Variants in MPRIP observed in about 807,000 individuals in gnomAD.
MPRIP encodes myosin phosphatase Rho interacting protein.
MPRIP carries 59 observed loss-of-function variants against 234.9 expected under a neutral mutation model. The ratio of observed to expected loss-of-function variants is 0.25; its 90% CI spans 0.20 to 0.31. The LOEUF (loss-of-function observed/expected upper bound fraction) is 0.31. Among genes scored for constraint, MPRIP ranks in the 10% least tolerant of loss-of-function variants. The pLI is 1.00. For synonymous variants in MPRIP, 1,144 were observed against 1,263.9 expected (o/e 0.91, Z 2.01); for missense variants, 2,436 against 3,071.0 (o/e 0.79, Z 4.89).
rs777332304 is a variant in MPRIP at position 17,075,728 on chromosome 17, G to A, written c.142G>A (p.Gly48Ser). Residue 48 changes from glycine (G) to serine (S), a missense_variant, in exon 2 of 24, where the codon GGT (glycine) becomes AGT (serine). By Grantham distance (56) the Gly-to-Ser change is moderately conservative. Coordinates refer to ENST00000651222, the MANE Select transcript of MPRIP (RefSeq NM_001364716.4). ...CCTCTAGGCAAAACCCATTTATGGCGGTTGGCTGCTCCTGGCTCCAGATGG... is the reference window on the plus strand; with the variant it reads ...CCTCTAGGCAAAACCCATTTATGGCAGTTGGCTGCTCCTGGCTCCAGATGG... ...DLTQAKPIYG[G>S]WLLLAPDGTD... 1.1e-5 allele frequency: 18 copies of A among 1,614,142 alleles called. No homozygotes were observed. The highest frequency in any genetic ancestry group is 1.1e-4 in the South Asian group (10 of 91,078).
chr17:17,108,156 C>T (rs1334407858), intron 3 of MPRIP, among the ~76,000 whole-genome samples: 1 of 152,224 alleles, frequency 6.6e-6, no homozygotes, highest in Non-Finnish European at 1.5e-5. Context: ...CATGGCCTTT[C>T]AGGGTACTGT....
At chr17:17,092,066 C>T (rs1417129418) in intron 3 of MPRIP, among the ~76,000 whole-genome samples, 2 of 152,236 alleles carry the variant, frequency 1.3e-5, no homozygotes, top group African/African-American at 4.8e-5. Context: ...GGAACAACCC[C>T]TTAACTCCCT....
At chr17:17,088,627 A>G (rs2089645619) in intron 3 of MPRIP, among the ~76,000 whole-genome samples, 1 of 152,176 alleles carries the variant, frequency 6.6e-6, no homozygotes, top group South Asian at 2.1e-4. Context: ...CCCCAGGGGC[A>G]CATCCCTTCC....
chr17:17,169,775 G>A (rs1171297572), intron 16 of MPRIP, among the ~76,000 whole-genome samples: 1 of 152,222 alleles, frequency 6.6e-6, no homozygotes, highest in Non-Finnish European at 1.5e-5. Flanking sequence ...ACAGGGTCTT[G>A]GCCTAACAGC....
intron 1 of MPRIP, chr17:17,057,712 G>C (rs370844917): frequency 1.5e-5 from 11 of 717,978 alleles, no homozygotes; most frequent in African/African-American, 5.2e-5. Flanking sequence ...TGAAGGACAG[G>C]AAGAGGAATG....
intron 3 of MPRIP, among the ~76,000 whole-genome samples, chr17:17,099,224 G>A (rs1444332105): frequency 1.3e-5 from 2 of 152,126 alleles, no homozygotes; most frequent in African/African-American, 2.4e-5. Context: ...CCCGTCCTCT[G>A]CAGTCCCCTT....
chr17:17,085,479 G>C (rs1035325253), intron 3 of MPRIP, among the ~76,000 whole-genome samples: 2 of 152,188 alleles, frequency 1.3e-5, no homozygotes, highest in Non-Finnish European at 1.5e-5. Flanking sequence ...GAGAGACTTC[G>C]GTCTTTAAGT....
At chr17:17,096,798 G>A (rs1332848058) in intron 3 of MPRIP, 1 of 471,100 alleles carries the variant, frequency 2.1e-6, no homozygotes, top group South Asian at 1.5e-5. Context: ...CTTGGGGCCT[G>A]GGGAAACCAC....
intron 1 of MPRIP, among the ~76,000 whole-genome samples, chr17:17,050,674 T>C (rs1055346176): frequency 1.3e-5 from 2 of 152,208 alleles, no homozygotes; most frequent in Non-Finnish European, 2.9e-5. Context: ...CTTTTGAAGT[T>C]TCTTTCTTTG....
At chr17:17,179,557 G>A (rs2046329635) in intron 22 of MPRIP, 1 of 155,014 alleles carries the variant, frequency 6.5e-6, no homozygotes, top group African/African-American at 2.4e-5. Context: ...TTTCTAAGAA[G>A]CCTAAAGGAC....
intron 1 of MPRIP, among the ~76,000 whole-genome samples, chr17:17,050,466 C>A (rs2088503167): frequency 6.6e-6 from 1 of 152,134 alleles, no homozygotes; most frequent in South Asian, 2.1e-4. Flanking sequence ...GAGCCACTTT[C>A]CCACTGCTTA....
At chr17:17,113,978 G>T (rs905556730) in intron 3 of MPRIP, among the ~76,000 whole-genome samples, 2 of 142,666 alleles carry the variant, frequency 1.4e-5, no homozygotes, top group African/African-American at 5.3e-5. Context: ...CTGCAACCTC[G>T]AACTCCTGGG....
In MPRIP at chr17:17,165,404, G is replaced by A; in HGVS notation, c.3813G>A (p.Gly1271=). The A allele has an allele frequency of 7.7e-7, 1 of 1,304,174 alleles. No individual in the cohort carries two copies. The highest frequency in any genetic ancestry group is 1.0e-6 in the Non-Finnish European group (1 of 988,954). 80.8% of individuals were successfully genotyped at this position (1,304,174 alleles called of 1,614,324 possible). ...TCGAGGATGAGGACGAGGACCTGGG[G>A]GCTCCTCCGGGGGAAGAGTACGGTG... ...TRLEDEDEDL[G]APPGEEYGDG... The change falls in exon 16 of 24, where the codon GGG becomes GGA. Residue 1271 remains glycine, a synonymous_variant. Transcript: ENST00000651222.
intron 1 of MPRIP, among the ~76,000 whole-genome samples, chr17:17,073,691 G>A (rs950418888): frequency 6.6e-6 from 1 of 152,112 alleles, no homozygotes; most frequent in Non-Finnish European, 1.5e-5. Context: ...GCCTCTGGGT[G>A]GGGTCTGCTT....
intron 3 of MPRIP, chr17:17,096,639 T>C: frequency 2.5e-6 from 1 of 397,610 alleles, no homozygotes; most frequent in Non-Finnish European, 5.3e-6. Flanking sequence ...ACCCTTGTTG[T>C]TGACTGGGCA....
At chr17:17,154,239 T>C (rs1200790032) in intron 12 of MPRIP, 67 bp from the exon 13 acceptor site, 4 of 1,395,420 alleles carry the variant, frequency 2.9e-6, no homozygotes, top group Non-Finnish European at 4.1e-6. Context: ...GGGAGCTTCT[T>C]TGGAGATGGA....
rs150210622 is a variant in MPRIP, at chr17:17,166,823, C to A, written c.5232C>A (p.Ser1744=). The A allele has an allele frequency of 2.8e-4, 360 of 1,304,202 alleles. 1 individual carries two copies. The African/African-American group carries it at 5.0e-3, about 18-fold the overall frequency. 80.8% of individuals were successfully genotyped at this position (1,304,202 alleles called of 1,614,324 possible). A position where few individuals can be genotyped will look rare whatever the true frequency, so the allele number is the denominator to read the frequency against. ...PAGHEDGVQL[S]WDLSPLGEVL... ...GCCATGAAGATGGTGTTCAGCTGTC[C>A]TGGGACCTGAGCCCCTTAGGAGAAG... Residue 1744 remains serine, a synonymous_variant, in exon 16 of 24, where the codon TCC becomes TCA. Transcript: ENST00000651222. The surrounding 1 kb of genome is among the most constrained non-coding windows in gnomAD (Gnocchi z 4.4).
chr17:17,125,286 A>G (rs1222894095), intron 3 of MPRIP, among the ~76,000 whole-genome samples: 1 of 152,174 alleles, frequency 6.6e-6, no homozygotes, highest in Non-Finnish European at 1.5e-5. Context: ...GAAGCCACTG[A>G]AGGAGGCTTC....
intron 1 of MPRIP, among the ~76,000 whole-genome samples, chr17:17,066,776 G>A (rs1229200318): frequency 4.8e-5 from 4 of 83,436 alleles, no homozygotes; most frequent in Admixed American, 2.0e-4. Flanking sequence ...TTTTGAGACA[G>A]TGTCTTGCCC....
Sources: allele counts gnomAD v4.1 joint callset (sites outside exome capture counted in the v4.1 genomes callset), GRCh38; gene constraint gnomAD v4.1.1; non-coding constraint Gnocchi (gnomAD v3.1); transcripts MANE v1.5; gene names NCBI Gene and HGNC (gene_info 2026-07-23, HGNC 2026-07-21).